The following PIGU variants were observed in gnomAD, a reference collection of about 807,000 sequenced individuals.
The protein encoded by PIGU is GPI-anchor transamidase component PIGU.
A neutral mutation model predicts 49.9 loss-of-function variants in PIGU; 24 were observed. The observed-to-expected ratio is 0.48, with a 90% CI of 0.35 to 0.68. The LOEUF (loss-of-function observed/expected upper bound fraction) is 0.68, where lower values mean the gene tolerates loss of function less well. Among genes scored for constraint, PIGU ranks in the 30% least tolerant of loss-of-function variants. The pLI, the probability that PIGU is intolerant of heterozygous loss-of-function variation, is 0.01. For missense variants in PIGU, 490 were observed against 532.6 expected (o/e 0.92, Z 0.79); for synonymous variants, 220 against 205.7 (o/e 1.07, Z -0.59).
intron 7 of PIGU, among the ~76,000 whole-genome samples, chr20:34,615,763 A>G (rs1984980296): frequency 6.6e-6 from 1 of 152,176 alleles, no homozygotes; most frequent in African/African-American, 2.4e-5. Flanking sequence ...GAAAAAACAT[A>G]GTATACGTAG....
chr20:34,580,771 C>G (rs117842487), intron 10 of PIGU, among the ~76,000 whole-genome samples: 4 of 152,190 alleles, frequency 2.6e-5, no homozygotes, highest in Admixed American at 2.0e-4. Flanking sequence ...TCTACCCTGA[C>G]GGAGCCCCCA....
intron 6 of PIGU, among the ~76,000 whole-genome samples, chr20:34,624,703 A>C (rs935828560): frequency 2.2e-4 from 34 of 152,218 alleles, no homozygotes; most frequent in African/African-American, 7.5e-4. Flanking sequence ...GGCAGAGTAC[A>C]CTTTGCCCAA....
At chr20:34,656,858 A>G (rs967599674) in intron 2 of PIGU, among the ~76,000 whole-genome samples, 2 of 152,150 alleles carry the variant, frequency 1.3e-5, no homozygotes, top group African/African-American at 4.8e-5. Context: ...ATGGGAAATC[A>G]TATTCCAAAC....
chr20:34,580,530 G>A (rs987747225), intron 10 of PIGU, among the ~76,000 whole-genome samples: 1 of 152,214 alleles, frequency 6.6e-6, no homozygotes, highest in Non-Finnish European at 1.5e-5. Context: ...TTCCTCTGAA[G>A]CCTGCACTCC....
At chr20:34,652,474 C>T (rs1986572142) in intron 2 of PIGU, among the ~76,000 whole-genome samples, 1 of 152,154 alleles carries the variant, frequency 6.6e-6, no homozygotes, top group African/African-American at 2.4e-5. Flanking sequence ...TGTTTCTACT[C>T]AGATCTTTAT....
chr20:34,600,200 A>C (rs1328501903), intron 7 of PIGU, among the ~76,000 whole-genome samples: 1 of 152,172 alleles, frequency 6.6e-6, no homozygotes, highest in Non-Finnish European at 1.5e-5. Flanking sequence ...TGAGGTCAGA[A>C]GTTCGAGACC....
At chr20:34,575,011 C>T in intron 11 of PIGU, 93 bp downstream of exon 11, 1 of 1,518,368 alleles carries the variant, frequency 6.6e-7, no homozygotes. Flanking sequence ...CGTCTGCACC[C>T]CCCGGTATGC....
rs1201587005 is a variant in PIGU at position 34,616,102 on chromosome 20, C to T, written c.567G>A (p.Ala189=). Reference sequence around the variant, plus strand: ...TGAGTGGGTACAGAGACTGGTATGTCGCTAAGGCAAGAAAAATAGCACTGA... The same window carrying T: ...TGAGTGGGTACAGAGACTGGTATGTTGCTAAGGCAAGAAAAATAGCACTGA... ...AFLSAIFLAL[A]TYQSLYPLTL... The change falls in exon 7 of 12, where the codon GCG becomes GCA. Residue 189 remains alanine (A), a synonymous_variant. Coordinates refer to ENST00000217446, the MANE Select transcript of PIGU (RefSeq NM_080476.5). 5.0e-6 allele frequency: 8 copies of T among 1,612,732 alleles called. No individual in the cohort carries two copies. Among genetic ancestry groups the T allele is most frequent in the Middle Eastern group, 1.7e-4 (1 of 6,060 alleles).
At chr20:34,625,245 G>A (rs1422164792) in intron 6 of PIGU, among the ~76,000 whole-genome samples, 1 of 151,950 alleles carries the variant, frequency 6.6e-6, no homozygotes, top group Non-Finnish European at 1.5e-5. Flanking sequence ...GCGCATGCCT[G>A]TAATCCCAGC....
intron 6 of PIGU, among the ~76,000 whole-genome samples, chr20:34,626,005 A>C (rs1340312509): frequency 6.7e-6 from 1 of 150,018 alleles, no homozygotes; most frequent in Admixed American, 6.7e-5. Flanking sequence ...TTGTTTAAAA[A>C]AACATTTATT....
chr20:34,571,331 C>T (rs554244138), intron 11 of PIGU, among the ~76,000 whole-genome samples: 5 of 151,988 alleles, frequency 3.3e-5, no homozygotes, highest in Non-Finnish European at 5.9e-5. Context: ...GTTTACCTGC[C>T]GGTATAACTA....
intron 7 of PIGU, 85 bp downstream of exon 7, chr20:34,615,956 AC>A (rs1984988129): frequency 1.3e-6 from 2 of 1,485,528 alleles, no homozygotes; most frequent in Non-Finnish European, 1.8e-6. Flanking sequence ...GCCTTTACTA[AC>A]CCGTGCCCTT....
chr20:34,584,645 G>A (rs900853728), intron 9 of PIGU, among the ~76,000 whole-genome samples: 1 of 151,658 alleles, frequency 6.6e-6, no homozygotes, highest in African/African-American at 2.4e-5. Flanking sequence ...AAGCAGCTGG[G>A]ACTACAGGGG....
At chr20:34,575,076 A>G in intron 11 of PIGU, 28 bp downstream of exon 11, 1 of 1,611,726 alleles carries the variant, frequency 6.2e-7, no homozygotes. Flanking sequence ...TCCTGTCCCC[A>G]AGCTGACCCC....
At chr20:34,644,331 A>T (rs888174739) in intron 3 of PIGU, 105 bp from the exon 4 acceptor site, 9 of 884,234 alleles carry the variant, frequency 1.0e-5, no homozygotes, top group Non-Finnish European at 1.6e-5. Flanking sequence ...ACTACCAAGT[A>T]CTGGACTCTT....
intron 7 of PIGU, among the ~76,000 whole-genome samples, chr20:34,595,133 C>CA (rs1984152236): frequency 7.3e-6 from 1 of 137,374 alleles, no homozygotes; most frequent in African/African-American, 2.7e-5. Context: ...AGAAAATATA[C>CA]ATATATACAT....
chr20:34,671,647 G>A (rs562756669), intron 1 of PIGU, among the ~76,000 whole-genome samples: 5 of 152,128 alleles, frequency 3.3e-5, no homozygotes, highest in East Asian at 3.9e-4. Flanking sequence ...TTGGCCGGGC[G>A]CAGTGGCTCA....
intron 7 of PIGU, among the ~76,000 whole-genome samples, chr20:34,591,893 A>T (rs1264503122): frequency 6.6e-6 from 1 of 152,218 alleles, no homozygotes; most frequent in Non-Finnish European, 1.5e-5. Context: ...CAGCCTTAGA[A>T]ATTTACTTTG....
At chr20:34,639,396 G>A (rs757161536) in intron 4 of PIGU, among the ~76,000 whole-genome samples, 3 of 151,766 alleles carry the variant, frequency 2.0e-5, no homozygotes, top group Non-Finnish European at 2.9e-5. Flanking sequence ...GCAAGACTCC[G>A]TCTCAAAAAA....
Sources: gnomAD v4.1 joint callset for allele counts (sites outside exome capture counted in the v4.1 genomes callset) on GRCh38, gnomAD v4.1.1 for gene constraint, MANE v1.5 for transcripts, NCBI Gene and HGNC (gene_info 2026-07-23, HGNC 2026-07-21) for gene names.